The following NLN variants were observed in gnomAD, a reference collection of about 807,000 sequenced individuals.
NLN encodes the protein neurolysin.
Under a neutral mutation model 79.9 loss-of-function variants are expected in NLN, and 64 were observed. The ratio of observed to expected loss-of-function variants is 0.80; its 90% CI spans 0.65 to 0.99. NLN has a LOEUF of 0.99. Ranked by LOEUF, NLN falls within the 50% of genes least tolerant of loss-of-function variation. NLN has a pLI of 0.00. For missense variants in NLN, 835 were observed against 858.7 expected (o/e 0.97, Z 0.34); for synonymous variants, 267 against 296.6 (o/e 0.90, Z 1.02).
intron 3 of NLN, among the ~76,000 whole-genome samples, chr5:65,774,339 C>A (rs1759634535): frequency 6.6e-6 from 1 of 152,004 alleles, no homozygotes; most frequent in African/African-American, 2.4e-5. Flanking sequence ...ACTCTATAAG[C>A]AGAAAAACTT....
Position 65,788,332 on chromosome 5 carries a change from A to G in NLN, c.1173A>G (p.Glu391=), listed in dbSNP as rs1759981571. The part of the protein sequence containing the change: ...KEYFPIEVVT[E]GLLNTYQELL... ...ACTTCCCAATTGAGGTGGTCACTGA[A>G]GGCTTGCTGAACACCTACCAGGAGT... Residue 391 remains glutamate (E), a synonymous_variant, in exon 8 of 13, where the codon GAA becomes GAG. Transcript: ENST00000380985. 1.9e-6 allele frequency: 3 copies of G among 1,614,094 alleles called. No homozygotes were observed. The South Asian group carries it at 3.3e-5, about 18-fold the overall frequency.
intron 1 of NLN, among the ~76,000 whole-genome samples, chr5:65,751,758 T>G (rs1386940528): frequency 6.6e-6 from 1 of 152,234 alleles, no homozygotes; most frequent in Non-Finnish European, 1.5e-5. Context: ...TATGGCATAC[T>G]TATTTGTCCA....
At chr5:65,821,294 C>T (rs973772923) in intron 12 of NLN, among the ~76,000 whole-genome samples, 6 of 152,120 alleles carry the variant, frequency 3.9e-5, no homozygotes, top group Admixed American at 3.3e-4. Flanking sequence ...AGCAAACCTT[C>T]CTAAAGACTA....
At position 65,824,033 on chromosome 5, in the gene NLN, ACT is replaced by A. The variant is rs1760862067; in HGVS notation, c.*1123_*1124del. ...AAGTGAACCTTTGGATCTATCTTTA[ACT>A]CTCTTTATTGTGAGTCTAAATTCCA... On this transcript the variant is annotated 3_prime_UTR_variant, in exon 13 of 13. Transcript: ENST00000380985. 6.6e-6 allele frequency: 1 copy of A among 151,936 alleles called. No homozygotes were observed. The highest frequency in any genetic ancestry group is 1.5e-5 in the Non-Finnish European group (1 of 67,980). 9.4% of individuals were successfully genotyped at this position (151,936 alleles called of 1,614,324 possible).
chr5:65,788,579 T>A, intron 8 of NLN, 95 bp downstream of exon 8: 1 of 1,275,482 alleles, frequency 7.8e-7, no homozygotes, highest in Non-Finnish European at 1.1e-6. Context: ...CTCATGCCTG[T>A]AATCCCAACA....
chr5:65,769,950 T>C (rs1396455085), intron 3 of NLN, among the ~76,000 whole-genome samples: 3 of 152,150 alleles, frequency 2.0e-5, no homozygotes, highest in African/African-American at 7.2e-5. Context: ...GAGAAACCAG[T>C]TAGTGGCAGA....
At chr5:65,811,271 C>T (rs1760539157) in intron 11 of NLN, among the ~76,000 whole-genome samples, 1 of 152,164 alleles carries the variant, frequency 6.6e-6, no homozygotes, top group Admixed American at 6.5e-5. Context: ...AGGCTCCCCA[C>T]ATAGTAAGCC....
At chr5:65,819,721 A>G (rs2561192) in intron 12 of NLN, among the ~76,000 whole-genome samples, 92,318 of 151,992 alleles carry the variant, frequency 0.61, 28,615 homozygotes, top group African/African-American at 0.69. Context: ...CTTTATAAAC[A>G]AAGTATTAAT....
chr5:65,798,118 C>T (rs977464022), intron 9 of NLN, among the ~76,000 whole-genome samples: 12 of 152,204 alleles, frequency 7.9e-5, no homozygotes, highest in Admixed American at 3.9e-4. Flanking sequence ...GCAGAATATG[C>T]AGGCTCAGAA....
At chr5:65,788,007 CT>C in intron 7 of NLN, 110 bp from the exon 8 acceptor site, 1 of 1,015,986 alleles carries the variant, frequency 9.8e-7, no homozygotes, top group Non-Finnish European at 1.4e-6. Context: ...CCTTATTTAT[CT>C]GTATTGAGTA....
chr5:65,731,724 A>G (rs1758612381), intron 1 of NLN, among the ~76,000 whole-genome samples: 1 of 149,854 alleles, frequency 6.7e-6, no homozygotes, highest in Non-Finnish European at 1.5e-5. Context: ...TATGTATTTT[A>G]AAAATCACCT....
intron 1 of NLN, among the ~76,000 whole-genome samples, chr5:65,747,699 A>C (rs565575801): frequency 6.6e-6 from 1 of 152,316 alleles, no homozygotes; most frequent in East Asian, 1.9e-4. Flanking sequence ...CAAGATATGT[A>C]CAAACCAATG....
intron 1 of NLN, among the ~76,000 whole-genome samples, chr5:65,752,515 A>G (rs1479574597): frequency 6.6e-6 from 1 of 152,244 alleles, no homozygotes; most frequent in African/African-American, 2.4e-5. Flanking sequence ...AGTCAGAGAA[A>G]AATCTTCACC....
rs940608944 is a variant in NLN at position 65,734,385 on chromosome 5, G to T, written c.41+11971G>T. Among the ~76,000 whole-genome samples the T allele has an allele frequency of 1.1e-4, 15 of 138,396 alleles. 4 individuals are homozygous for T. The highest frequency in any genetic ancestry group is 2.4e-4 in the Non-Finnish European group (15 of 62,934). The allele number at this position is 138,396 out of a possible 152,430, so 90.8% of individuals were successfully genotyped here. On this transcript the variant is annotated intron_variant, in intron 1 of 12. Transcript: ENST00000380985. ...AAAAACAAAGGTGACTCAGCTGGGG[G>T]CAGAACTGGGTGAAAATGCTGACTT...
chr5:65,798,810 C>T (rs777072814), intron 9 of NLN, among the ~76,000 whole-genome samples: 1 of 151,990 alleles, frequency 6.6e-6, no homozygotes, highest in Non-Finnish European at 1.5e-5. Flanking sequence ...CTTTCATTTG[C>T]TTAGTGCATT....
intron 1 of NLN, chr5:65,722,963 C>T (rs1758353286): frequency 6.6e-6 from 1 of 152,650 alleles, no homozygotes. Context: ...TGCAAATTGA[C>T]TTGGCCCAAA....
At chr5:65,741,555 A>C (rs1758869600) in intron 1 of NLN, among the ~76,000 whole-genome samples, 1 of 152,194 alleles carries the variant, frequency 6.6e-6, no homozygotes, top group African/African-American at 2.4e-5. Context: ...TAAGTATTAA[A>C]TAATGTACTG....
At chr5:65,819,287 A>G (rs1400353274) in intron 12 of NLN, among the ~76,000 whole-genome samples, 1 of 152,126 alleles carries the variant, frequency 6.6e-6, no homozygotes, top group East Asian at 1.9e-4. Flanking sequence ...GGAGGAGGAG[A>G]GGTTTGTTGA....
intron 1 of NLN, among the ~76,000 whole-genome samples, chr5:65,732,201 A>G (rs1390579709): frequency 6.6e-6 from 1 of 152,372 alleles, no homozygotes; most frequent in African/African-American, 2.4e-5. Context: ...TGCAAGAAGT[A>G]TAAAAGGAAG....
Sources: allele counts gnomAD v4.1 joint callset (sites outside exome capture counted in the v4.1 genomes callset), GRCh38; gene constraint gnomAD v4.1.1; transcripts MANE v1.5; gene names NCBI Gene and HGNC (gene_info 2026-07-23, HGNC 2026-07-21).